The following PRKCE variants were observed in gnomAD, a reference collection of about 807,000 sequenced individuals.
The protein encoded by PRKCE is protein kinase C epsilon type.
In PRKCE, 16 loss-of-function variants were observed where a neutral mutation model predicts 85.4. The observed-to-expected ratio is 0.19, with a 90% CI of 0.13 to 0.28. The LOEUF is 0.28. Among genes scored for constraint, PRKCE ranks in the 10% least tolerant of loss-of-function variants. PRKCE has a pLI of 1.00. For missense variants in PRKCE, 573 were observed against 975.2 expected, an observed-to-expected ratio of 0.59 and a Z score of 5.49; for synonymous variants, 388 against 371.5, an observed-to-expected ratio of 1.04 and a Z score of -0.51.
intron 1 of PRKCE, among the ~76,000 whole-genome samples, chr2:45,716,054 C>T (rs925904331): frequency 2.0e-5 from 3 of 152,302 alleles, no homozygotes; most frequent in Admixed American, 6.5e-5. Context: ...CTTTTGAAAC[C>T]TACAAGCCCC....
intron 10 of PRKCE, among the ~76,000 whole-genome samples, chr2:46,051,359 G>A (rs564014655): frequency 2.2e-4 from 34 of 152,314 alleles, no homozygotes; most frequent in African/African-American, 7.9e-4. Context: ...TCTCTGATCT[G>A]TGACTGTGAA....
At chr2:46,006,197 C>T (rs1175042288) in intron 8 of PRKCE, among the ~76,000 whole-genome samples, 4 of 152,222 alleles carry the variant, frequency 2.6e-5, no homozygotes, top group African/African-American at 9.6e-5. Flanking sequence ...GTTTCTTTTT[C>T]TTCCCTTGTA....
chr2:46,151,341 C>A, intron 13 of PRKCE, 112 bp downstream of exon 13: 1 of 1,141,874 alleles, frequency 8.8e-7, no homozygotes, highest in Non-Finnish European at 1.2e-6. Context: ...CTCCCTTTCT[C>A]TGTCCAGCTT....
rs1675166947 is a variant in PRKCE, at chr2:45,652,470, CA to C, written c.348+23del. The stretch of plus-strand genomic sequence containing the variant: ...CTGGGTGAGTGCGGCGCCTCCCCGT[CA>C]TTCCGGGAACCCGGTTGTGGGGTCC... On this transcript the variant is annotated intron_variant, in intron 1 of 14. Coordinates refer to ENST00000306156, the MANE Select transcript of PRKCE (RefSeq NM_005400.3). The surrounding 1 kb of genome is among the most constrained non-coding windows in gnomAD (Gnocchi z 7.7). 1 of 1,585,926 alleles carries C rather than the reference CA, an allele frequency of 6.3e-7. No individual in the cohort carries two copies. Among genetic ancestry groups the C allele is most frequent in the African/African-American group, 1.3e-5 (1 of 74,428 alleles).
chr2:45,910,644 T>C (rs1697318613), intron 2 of PRKCE, among the ~76,000 whole-genome samples: 2 of 152,216 alleles, frequency 1.3e-5, no homozygotes. Flanking sequence ...ATCTGTTGGA[T>C]AGCCCAGCTC....
chr2:45,672,246 GCATC>G (rs57355156), intron 1 of PRKCE, among the ~76,000 whole-genome samples: 9,809 of 150,478 alleles, frequency 0.065, 411 homozygotes, highest in East Asian at 0.24. Context: ...ATCTGTCTAT[GCATC>G]CATCCATCCA....
intron 2 of PRKCE, among the ~76,000 whole-genome samples, chr2:45,889,203 T>C (rs1695527794): frequency 6.6e-6 from 1 of 152,086 alleles, no homozygotes; most frequent in African/African-American, 2.4e-5. Flanking sequence ...GGAAACACGC[T>C]GTGGGGTGTG....
chr2:45,959,679 C>A (rs770907688), intron 2 of PRKCE, among the ~76,000 whole-genome samples: 56 of 152,250 alleles, frequency 3.7e-4, no homozygotes, highest in Admixed American at 1.6e-3. Flanking sequence ...CAAGCAGATA[C>A]AAACTTTTTG....
chr2:45,681,059 G>A (rs1315537949), intron 1 of PRKCE, among the ~76,000 whole-genome samples: 1 of 152,114 alleles, frequency 6.6e-6, no homozygotes, highest in Non-Finnish European at 1.5e-5. Flanking sequence ...GGGAGGCCGA[G>A]GTGGGTGGAT....
intron 1 of PRKCE, among the ~76,000 whole-genome samples, chr2:45,708,539 A>T (rs1180171442): frequency 1.3e-5 from 2 of 152,194 alleles, no homozygotes; most frequent in African/African-American, 4.8e-5. Context: ...GCTGTTGTCC[A>T]TGTAAGATGT....
At chr2:45,827,213 C>G (rs781572464) in intron 1 of PRKCE, among the ~76,000 whole-genome samples, 2 of 152,254 alleles carry the variant, frequency 1.3e-5, no homozygotes, top group Non-Finnish European at 2.9e-5. Flanking sequence ...ATCTGCTCCT[C>G]TCTCTGCACC....
intron 11 of PRKCE, among the ~76,000 whole-genome samples, chr2:46,117,939 GA>G (rs1247912499): frequency 6.6e-6 from 1 of 152,106 alleles, no homozygotes; most frequent in South Asian, 2.1e-4. Context: ...TCCAAGACTA[GA>G]AAAACATTTC....
At chr2:45,673,583 A>G (rs956307676) in intron 1 of PRKCE, among the ~76,000 whole-genome samples, 2 of 152,212 alleles carry the variant, frequency 1.3e-5, no homozygotes, top group Non-Finnish European at 2.9e-5. Flanking sequence ...AGAAACTAAC[A>G]TGGTGAGGAG....
intron 1 of PRKCE, among the ~76,000 whole-genome samples, chr2:45,817,998 G>A (rs1444797102): frequency 6.6e-6 from 1 of 152,224 alleles, no homozygotes; most frequent in Non-Finnish European, 1.5e-5. Flanking sequence ...CAGCCCCGGA[G>A]CTGAGCAGAG....
At chr2:45,918,462 C>G (rs747232311) in intron 2 of PRKCE, among the ~76,000 whole-genome samples, 6 of 152,198 alleles carry the variant, frequency 3.9e-5, no homozygotes, top group Non-Finnish European at 7.3e-5. Flanking sequence ...AAGATTCAGC[C>G]TCTATTCAAC....
intron 10 of PRKCE, among the ~76,000 whole-genome samples, chr2:46,017,310 A>G (rs1307504745): frequency 6.6e-6 from 1 of 152,190 alleles, no homozygotes; most frequent in Non-Finnish European, 1.5e-5. Flanking sequence ...TCATACAATA[A>G]TGTCTTTCTG....
intron 2 of PRKCE, among the ~76,000 whole-genome samples, chr2:45,857,843 A>G (rs963055046): frequency 1.3e-5 from 2 of 152,218 alleles, no homozygotes; most frequent in African/African-American, 2.4e-5. Flanking sequence ...TTCATGACCT[A>G]AAACAGTGCC....
chr2:46,059,924 G>A (rs1453347013), intron 10 of PRKCE, among the ~76,000 whole-genome samples: 1 of 152,164 alleles, frequency 6.6e-6, no homozygotes, highest in Non-Finnish European at 1.5e-5. Context: ...TAACTTCAAA[G>A]GATATTGCAC....
chr2:45,988,589 G>A (rs1394990783), intron 6 of PRKCE, among the ~76,000 whole-genome samples: 1 of 152,170 alleles, frequency 6.6e-6, no homozygotes, highest in Non-Finnish European at 1.5e-5. Context: ...CGATCATTGG[G>A]TAACTGAGAT....
Sources: allele counts gnomAD v4.1 joint callset (sites outside exome capture counted in the v4.1 genomes callset), GRCh38; gene constraint gnomAD v4.1.1; non-coding constraint Gnocchi (gnomAD v3.1); transcripts MANE v1.5; gene names NCBI Gene and HGNC (gene_info 2026-07-23, HGNC 2026-07-21).